ABCD2: variants seen among roughly 807,000 people sequenced by gnomAD.
The protein encoded by ABCD2 is ATP binding cassette subfamily D member 2.
In ABCD2, 36 loss-of-function variants were observed where a neutral mutation model predicts 70.9. The ratio of observed to expected loss-of-function variants is 0.51; its 90% CI spans 0.39 to 0.67. The LOEUF (loss-of-function observed/expected upper bound fraction) is 0.67, where lower values mean the gene tolerates loss of function less well. Among genes scored for constraint, ABCD2 ranks in the 30% least tolerant of loss-of-function variants. The pLI is 0.00. For synonymous variants in ABCD2, 304 were observed against 306.9 expected (o/e 0.99, Z 0.10); for missense variants, 729 against 890.2 (o/e 0.82, Z 2.30).
In ABCD2 at chr12:39,573,816, A is replaced by C; in HGVS notation, c.1903T>G (p.Cys635Gly). ...HKPKYALLDE[C>G]TSAVSIDVEG... ...ACATCAATGCTGACAGCACTGGTACATTCATCCAGCAAGGCATATTTTGGT... is the reference window on the plus strand; with the variant it reads ...ACATCAATGCTGACAGCACTGGTACCTTCATCCAGCAAGGCATATTTTGGT... The change falls in exon 9 of 10, where the codon TGT becomes GGT. Residue 635 changes from cysteine to glycine, a missense_variant. By Grantham distance (159) the Cys-to-Gly change is radical. Transcript: ENST00000308666. 6.2e-7 allele frequency: 1 copy of C among 1,612,344 alleles called. No homozygotes were observed. The highest frequency in any genetic ancestry group is 8.5e-7 in the Non-Finnish European group (1 of 1,179,036).
At chr12:39,613,549 A>G (rs780527219) in intron 2 of ABCD2, among the ~76,000 whole-genome samples, 15 of 152,190 alleles carry the variant, frequency 9.9e-5, no homozygotes, top group Non-Finnish European at 1.6e-4. Context: ...TAACACTTCA[A>G]TGCCTCTTTG....
chr12:39,549,910 T>C (rs1941064530), downstream of ABCD2: 2 of 151,860 alleles, frequency 1.3e-5, no homozygotes, highest in African/African-American at 4.8e-5. Context: ...TACAAAGATT[T>C]GGTGAAGTCT....
At chr12:39,575,726 G>C (rs932928344) in intron 8 of ABCD2, among the ~76,000 whole-genome samples, 1 of 152,136 alleles carries the variant, frequency 6.6e-6, no homozygotes, top group Non-Finnish European at 1.5e-5. Context: ...CTCTTCACTA[G>C]ATTGAATACC....
chr12:39,592,457 A>G lies in ABCD2; in HGVS notation c.1647-6160T>C, dbSNP rs551027733. Among the ~76,000 whole-genome samples, 3 of 152,286 alleles carry G rather than the reference A, an allele frequency of 2.0e-5. No homozygotes were observed. In the East Asian group the frequency reaches 5.8e-4, roughly 29 times the overall value. ...ATCAGATATTTATTGCACAATTACAATATATTTACTAGGATCCTACCAGTG... is the reference window on the plus strand; with the variant it reads ...ATCAGATATTTATTGCACAATTACAGTATATTTACTAGGATCCTACCAGTG... On this transcript the variant is annotated intron_variant, in intron 6 of 9. Coordinates refer to ENST00000308666, the MANE Select transcript of ABCD2 (RefSeq NM_005164.4).
intron 3 of ABCD2, 141 bp downstream of exon 3, chr12:39,607,458 C>A (rs1941983822): frequency 1.6e-6 from 1 of 620,948 alleles, no homozygotes; most frequent in African/African-American, 1.9e-5. Context: ...TGAATTGCTG[C>A]CCTTAATCTT....
chr12:39,541,720 C>T, the ABCD2 span, among the ~76,000 whole-genome samples: 1 of 152,136 alleles, frequency 6.6e-6, no homozygotes, highest in African/African-American at 2.4e-5. Context: ...GCAGTATGCT[C>T]CTCTTAATAG....
At chr12:39,557,525 C>A (rs1429251444) in intron 9 of ABCD2, among the ~76,000 whole-genome samples, 3 of 152,140 alleles carry the variant, frequency 2.0e-5, no homozygotes, top group Non-Finnish European at 4.4e-5. Context: ...CAGAAATTTG[C>A]ATAAGTAATG....
intron 6 of ABCD2, among the ~76,000 whole-genome samples, chr12:39,591,004 A>T (rs1941738013): frequency 6.6e-6 from 1 of 152,154 alleles, no homozygotes; most frequent in South Asian, 2.1e-4. Flanking sequence ...TTTTAAAGTA[A>T]TCATATAAAA....
At chr12:39,548,281 C>T (rs1026933297), downstream of ABCD2, among the ~76,000 whole-genome samples, 1 of 152,044 alleles carries the variant, frequency 6.6e-6, no homozygotes, top group Non-Finnish European at 1.5e-5. Flanking sequence ...TGATGTTTGG[C>T]AGGTTAGGTA....
chr12:39,560,949 A>C (rs1418477555), intron 9 of ABCD2, among the ~76,000 whole-genome samples: 1 of 152,206 alleles, frequency 6.6e-6, no homozygotes, highest in Non-Finnish European at 1.5e-5. Flanking sequence ...TTACTAAAGA[A>C]AATCACTTAC....
At chr12:39,610,897 C>G (rs945275824) in intron 2 of ABCD2, among the ~76,000 whole-genome samples, 1 of 152,130 alleles carries the variant, frequency 6.6e-6, no homozygotes, top group South Asian at 2.1e-4. Flanking sequence ...TAAGACAGGG[C>G]CAGATTCCTT....
chr12:39,560,568 A>G (rs1355033844), intron 9 of ABCD2, among the ~76,000 whole-genome samples: 1 of 152,188 alleles, frequency 6.6e-6, no homozygotes, highest in Non-Finnish European at 1.5e-5. Context: ...GACACTAAAA[A>G]TTCAAAATGG....
At chr12:39,567,206 G>T (rs1245411678) in intron 9 of ABCD2, among the ~76,000 whole-genome samples, 2 of 152,140 alleles carry the variant, frequency 1.3e-5, no homozygotes, top group African/African-American at 4.8e-5. Flanking sequence ...CTGTCTCATT[G>T]ATCTGTCTAA....
intron 2 of ABCD2, among the ~76,000 whole-genome samples, chr12:39,612,384 T>TA (rs374185831): frequency 1.3e-5 from 2 of 152,202 alleles, no homozygotes; most frequent in African/African-American, 4.8e-5. Flanking sequence ...CGGGATGCTA[T>TA]ATAGCAAAGT....
At chr12:39,606,773 T>G (rs1290635065) in intron 3 of ABCD2, among the ~76,000 whole-genome samples, 1 of 152,234 alleles carries the variant, frequency 6.6e-6, no homozygotes, top group Non-Finnish European at 1.5e-5. Flanking sequence ...AATAATTTTA[T>G]GGGAACATTG....
At chr12:39,583,477 A>G (rs1425850943) in intron 7 of ABCD2, among the ~76,000 whole-genome samples, 3 of 152,162 alleles carry the variant, frequency 2.0e-5, no homozygotes, top group Non-Finnish European at 4.4e-5. Context: ...TGAATTATTG[A>G]ATTATTTGAA....
intron 9 of ABCD2, among the ~76,000 whole-genome samples, chr12:39,567,580 ATC>A (rs1159069530): frequency 1.3e-5 from 2 of 152,228 alleles, no homozygotes; most frequent in East Asian, 3.9e-4. Context: ...TTGACTCTTT[ATC>A]CAATTTGCCA....
intron 9 of ABCD2, among the ~76,000 whole-genome samples, chr12:39,560,538 T>C (rs1222422969): frequency 6.6e-6 from 1 of 152,106 alleles, no homozygotes; most frequent in East Asian, 1.9e-4. Flanking sequence ...GTATATACAA[T>C]ATAAAAAGAT....
In ABCD2 at chr12:39,553,418, C is replaced by T. The variant is rs1376390570; in HGVS notation, c.*494G>A. On this transcript the variant is annotated 3_prime_UTR_variant, in exon 10 of 10. Coordinates refer to ENST00000308666, the MANE Select transcript of ABCD2 (RefSeq NM_005164.4). ...TTGAAATTATTTATAAAACTGTCAG[C>T]TATTTTGTACAGGTTTAGTTGGCCA... is the stretch of plus-strand genomic sequence containing the variant. 1 of 152,118 alleles carries T rather than the reference C, an allele frequency of 6.6e-6. No individual in the cohort carries two copies. The allele number at this position is 152,118 out of a possible 1,614,324, so 9.4% of individuals were successfully genotyped here.
Sources: allele counts gnomAD v4.1 joint callset (sites outside exome capture counted in the v4.1 genomes callset), GRCh38; gene constraint gnomAD v4.1.1; transcripts MANE v1.5; gene names NCBI Gene and HGNC (gene_info 2026-07-23, HGNC 2026-07-21).